The following ADAMTSL3 variants were observed in gnomAD, a reference collection of about 807,000 sequenced individuals.
ADAMTSL3 encodes ADAMTS-like protein 3.
A neutral mutation model predicts 201.7 loss-of-function variants in ADAMTSL3; 128 were observed. The ratio of observed to expected loss-of-function variants is 0.63; its 90% CI spans 0.55 to 0.73. ADAMTSL3 has a LOEUF of 0.73. Among genes scored for constraint, ADAMTSL3 ranks in the 30% least tolerant of loss-of-function variants. ADAMTSL3 has a pLI of 0.00. For synonymous variants in ADAMTSL3, 738 were observed against 748.4 expected (o/e 0.99, Z 0.23); for missense variants, 1,990 against 2,119.6 (o/e 0.94, Z 1.20).
chr15:83,772,739 TC>T (rs1288110531), intron 3 of ADAMTSL3, among the ~76,000 whole-genome samples: 1 of 148,750 alleles, frequency 6.7e-6, no homozygotes, highest in East Asian at 2.0e-4. Context: ...AGAGTCTTGC[TC>T]TGCTGCCCAG....
intron 6 of ADAMTSL3, among the ~76,000 whole-genome samples, chr15:83,829,173 G>T (rs1468334648): frequency 6.6e-6 from 1 of 152,142 alleles, no homozygotes; most frequent in East Asian, 1.9e-4. Flanking sequence ...TTTTTGGTTG[G>T]TAGGCTATTA....
At chr15:83,978,459 AC>A (rs1273309231) in intron 20 of ADAMTSL3, among the ~76,000 whole-genome samples, 1 of 152,218 alleles carries the variant, frequency 6.6e-6, no homozygotes, top group Non-Finnish European at 1.5e-5. Flanking sequence ...TGCAGTTGGT[AC>A]CTGGCCACTG....
At chr15:83,820,663 T>C (rs2063848784) in intron 6 of ADAMTSL3, among the ~76,000 whole-genome samples, 1 of 152,206 alleles carries the variant, frequency 6.6e-6, no homozygotes, top group South Asian at 2.1e-4. Context: ...GCACAATGAT[T>C]TATTTACTGA....
intron 19 of ADAMTSL3, among the ~76,000 whole-genome samples, chr15:83,949,099 T>A (rs994089594): frequency 6.6e-6 from 1 of 152,150 alleles, no homozygotes; most frequent in Non-Finnish European, 1.5e-5. Context: ...AAATACTAGG[T>A]CTTACTGATT....
intron 13 of ADAMTSL3, among the ~76,000 whole-genome samples, chr15:83,896,004 G>A (rs1430920036): frequency 6.6e-6 from 1 of 152,104 alleles, no homozygotes; most frequent in East Asian, 1.9e-4. Context: ...CAACACCCAG[G>A]TACAAAGTGC....
chr15:84,015,291 A>G (rs2068230946), intron 24 of ADAMTSL3, among the ~76,000 whole-genome samples: 1 of 152,202 alleles, frequency 6.6e-6, no homozygotes, highest in African/African-American at 2.4e-5. Context: ...AAATTGAACC[A>G]TTGGCAAAAT....
intron 19 of ADAMTSL3, 50 bp from the exon 20 acceptor site, chr15:83,970,434 G>T (rs1177655434): frequency 2.4e-5 from 38 of 1,609,242 alleles, no homozygotes; most frequent in Non-Finnish European, 3.1e-5. Context: ...TGTTGGCTGG[G>T]TCTGCCTGCT....
chr15:83,836,396 C>T (rs554707821), intron 6 of ADAMTSL3, among the ~76,000 whole-genome samples: 2 of 152,292 alleles, frequency 1.3e-5, no homozygotes, highest in South Asian at 4.1e-4. Context: ...TATCTCTAAT[C>T]ATAAGCTATT....
At chr15:83,859,441 G>A (rs1364828030) in intron 8 of ADAMTSL3, among the ~76,000 whole-genome samples, 7 of 152,288 alleles carry the variant, frequency 4.6e-5, no homozygotes, top group South Asian at 2.1e-4. Flanking sequence ...TCTCTGTGCC[G>A]GTGGATCCAT....
chr15:83,694,330 C>CGAGTGG (rs1403927970), intron 2 of ADAMTSL3: 1 of 152,212 alleles, frequency 6.6e-6, no homozygotes, highest in Non-Finnish European at 1.5e-5. Context: ...CACCCCTCAC[C>CGAGTGG]GAGTGGCTAG....
intron 3 of ADAMTSL3, among the ~76,000 whole-genome samples, chr15:83,744,475 AT>A (rs1466709861): frequency 1.3e-5 from 2 of 152,200 alleles, no homozygotes; most frequent in Non-Finnish European, 2.9e-5. Flanking sequence ...AAATTAATTA[AT>A]TTTAATTGGC....
Position 83,982,630 on chromosome 15 carries a change from G to C in ADAMTSL3, c.3002G>C (p.Arg1001Pro). The C allele has an allele frequency of 4.3e-6, 7 of 1,614,146 alleles. No homozygotes were observed. Among genetic ancestry groups the C allele is most frequent in the Non-Finnish European group, 5.9e-6 (7 of 1,180,032 alleles). Residue 1001 changes from arginine (R) to proline (P), a missense_variant, in exon 21 of 30, where the codon CGG becomes CCG. Physicochemically the swap from Arg to Pro is moderately radical, Grantham distance 103. Coordinates refer to ENST00000286744, the MANE Select transcript of ADAMTSL3 (RefSeq NM_207517.3). ...VVLKLIGTDNRLIARPALREP... is the reference protein window; with the variant it reads ...VVLKLIGTDNPLIARPALREP... Reference sequence around the variant, plus strand: ...CTCAAGCTCATTGGTACTGACAACCGGCTCATCGCACGCCCAGCCCTCAGG... The same window carrying C: ...CTCAAGCTCATTGGTACTGACAACCCGCTCATCGCACGCCCAGCCCTCAGG...
At chr15:83,743,554 C>G (rs567013374) in intron 3 of ADAMTSL3, among the ~76,000 whole-genome samples, 112 of 151,354 alleles carry the variant, frequency 7.4e-4, no homozygotes, top group Admixed American at 1.4e-3. Context: ...TGTGCTTTCC[C>G]TTGCCTTTTG....
At chr15:83,852,677 T>G (rs548946939) in intron 7 of ADAMTSL3, among the ~76,000 whole-genome samples, 2 of 152,338 alleles carry the variant, frequency 1.3e-5, no homozygotes, top group Admixed American at 1.3e-4. Context: ...TTCTTACTGA[T>G]TTGTAAACAC....
At chr15:83,963,796 G>A (rs2067023976) in intron 19 of ADAMTSL3, among the ~76,000 whole-genome samples, 2 of 152,194 alleles carry the variant, frequency 1.3e-5, no homozygotes, top group Non-Finnish European at 2.9e-5. Flanking sequence ...CTGGGATGAA[G>A]CTTCCAGAGG....
At position 83,874,165 on chromosome 15, in the gene ADAMTSL3, A is replaced by G. The variant is rs540807784; in HGVS notation, c.960+3206A>G. Among the ~76,000 whole-genome samples, 2 of 136,484 alleles carry G rather than the reference A, an allele frequency of 1.5e-5. 1 individual carries two copies. Among genetic ancestry groups the G allele is most frequent in the South Asian group, 4.3e-4 (2 of 4,604 alleles). 89.5% of individuals were successfully genotyped at this position (136,484 alleles called of 152,430 possible). ...GCCTTCTCCCTCTCCTGGCGCCAGG[A>G]CAAAGGAAGCGGGCAGCGAGCCATG... On this transcript the variant is annotated intron_variant, in intron 9 of 29. Coordinates refer to ENST00000286744, the MANE Select transcript of ADAMTSL3 (RefSeq NM_207517.3).
chr15:83,692,379 C>T (rs560298401), intron 2 of ADAMTSL3, among the ~76,000 whole-genome samples: 24 of 151,732 alleles, frequency 1.6e-4, no homozygotes, highest in Non-Finnish European at 2.2e-4. Context: ...GTCTTCCTAT[C>T]GTCTTGCTTG....
chr15:83,680,972 CATT>C (rs549284937), intron 2 of ADAMTSL3, among the ~76,000 whole-genome samples: 323 of 152,156 alleles, frequency 2.1e-3, no homozygotes, highest in Non-Finnish European at 3.8e-3. Flanking sequence ...TTACAGATTA[CATT>C]ATTATTATTT....
chr15:83,839,719 G>A (rs2064339235), intron 7 of ADAMTSL3, among the ~76,000 whole-genome samples: 1 of 152,156 alleles, frequency 6.6e-6, no homozygotes, highest in African/African-American at 2.4e-5. Context: ...AACAGAGTTT[G>A]GTAATTCTTT....
Sources: allele counts gnomAD v4.1 joint callset (sites outside exome capture counted in the v4.1 genomes callset), GRCh38; gene constraint gnomAD v4.1.1; transcripts MANE v1.5; gene names NCBI Gene and HGNC (gene_info 2026-07-23, HGNC 2026-07-21).